ACVR2A: variants seen among roughly 807,000 people sequenced by gnomAD.
ACVR2A encodes activin receptor type-2A.
ACVR2A carries 7 observed loss-of-function variants against 61.4 expected under a neutral mutation model. That is an observed-to-expected ratio of 0.11 (90% confidence interval 0.06 to 0.21). The LOEUF (loss-of-function observed/expected upper bound fraction) is 0.21. ACVR2A is among the 10% of genes least tolerant of loss of function. The pLI is 1.00. For synonymous variants in ACVR2A, 193 were observed against 208.3 expected, an observed-to-expected ratio of 0.93 and a Z score of 0.63; for missense variants, 322 against 621.7, an observed-to-expected ratio of 0.52 and a Z score of 5.13.
chr2:147,872,041 A>G (rs553646927), intron 1 of ACVR2A, among the ~76,000 whole-genome samples: 1 of 152,070 alleles, frequency 6.6e-6, no homozygotes, highest in East Asian at 1.9e-4. Flanking sequence ...ATAGTGACAA[A>G]CCTGATCACG....
intron 1 of ACVR2A, among the ~76,000 whole-genome samples, chr2:147,870,395 A>G (rs1685982155): frequency 6.6e-6 from 1 of 152,162 alleles, no homozygotes; most frequent in Non-Finnish European, 1.5e-5. Context: ...CTTTGGGTGA[A>G]GTATACCTTG....
At chr2:147,856,963 A>C (rs1685595201) in intron 1 of ACVR2A, among the ~76,000 whole-genome samples, 1 of 152,200 alleles carries the variant, frequency 6.6e-6, no homozygotes, top group African/African-American at 2.4e-5. Flanking sequence ...GAGATTGCTT[A>C]TTAGCTGAGA....
chr2:147,847,223 C>T (rs1685333856), intron 1 of ACVR2A, among the ~76,000 whole-genome samples: 1 of 151,942 alleles, frequency 6.6e-6, no homozygotes, highest in South Asian at 2.1e-4. Flanking sequence ...TGAACATTCC[C>T]AGTTGAACTA....
intron 1 of ACVR2A, among the ~76,000 whole-genome samples, chr2:147,891,705 C>A (rs901138663): frequency 2.6e-5 from 4 of 152,068 alleles, no homozygotes; most frequent in African/African-American, 9.7e-5. Flanking sequence ...TGCTTTTATG[C>A]TACAAGGGCA....
At chr2:147,862,959 T>A (rs1316129825) in intron 1 of ACVR2A, among the ~76,000 whole-genome samples, 1 of 152,134 alleles carries the variant, frequency 6.6e-6, no homozygotes, top group African/African-American at 2.4e-5. Context: ...TATAGCATGC[T>A]CCCTGCTAAG....
chr2:147,873,292 T>C (rs566093358), intron 1 of ACVR2A, among the ~76,000 whole-genome samples: 18 of 152,120 alleles, frequency 1.2e-4, no homozygotes, highest in Middle Eastern at 3.4e-3. Flanking sequence ...AGTAGCCACA[T>C]TAAATGTTTT....
At chr2:147,904,912 C>G (rs1208647862) in intron 4 of ACVR2A, among the ~76,000 whole-genome samples, 5 of 151,946 alleles carry the variant, frequency 3.3e-5, no homozygotes, top group Admixed American at 2.6e-4. Context: ...GTTATACTTA[C>G]AAAATATTAC....
rs750494074 is a variant in ACVR2A at position 147,927,222 on chromosome 2, T to C, written c.1490T>C (p.Val497Ala). The C allele has an allele frequency of 2.5e-6, 4 of 1,611,986 alleles. No homozygotes were observed. The South Asian group carries it at 4.4e-5, about 18-fold the overall frequency. ...NIITTEDIVT[V>A]VTMVTNVDFP... is the part of the protein sequence containing the mutation. ...ATTACCACAGAGGACATTGTAACAG[T>C]GGTCACAATGGTGACAAATGTTGAC... The change falls in exon 11 of 11, where the codon GTG becomes GCG. Residue 497 changes from valine to alanine, a missense_variant. Physicochemically the swap from Val to Ala is moderately conservative, Grantham distance 64. Transcript: ENST00000241416.
chr2:147,858,263 T>G (rs1685637298), intron 1 of ACVR2A, among the ~76,000 whole-genome samples: 1 of 152,178 alleles, frequency 6.6e-6, no homozygotes, highest in South Asian at 2.1e-4. Context: ...TACAGTTATT[T>G]TTTTCAAGGA....
intron 1 of ACVR2A, among the ~76,000 whole-genome samples, chr2:147,846,541 C>G (rs1018749494): frequency 6.6e-6 from 1 of 151,902 alleles, no homozygotes; most frequent in Non-Finnish European, 1.5e-5. Context: ...TTGATCAGTT[C>G]CGGGTGGGCT....
intron 1 of ACVR2A, among the ~76,000 whole-genome samples, chr2:147,852,954 C>G (rs1189589528): frequency 6.6e-6 from 1 of 151,904 alleles, no homozygotes; most frequent in African/African-American, 2.4e-5. Context: ...GGGGGTTAAC[C>G]CTTAAATTCA....
At chr2:147,890,102 A>G (rs776829751) in intron 1 of ACVR2A, among the ~76,000 whole-genome samples, 29 of 152,160 alleles carry the variant, frequency 1.9e-4, no homozygotes, top group African/African-American at 5.1e-4. Flanking sequence ...GGCCAACTCT[A>G]TTAAGCCAGT....
intron 1 of ACVR2A, chr2:147,877,475 G>A (rs1686188583): frequency 6.6e-6 from 1 of 152,116 alleles, no homozygotes; most frequent in Non-Finnish European, 1.5e-5. Flanking sequence ...GAAAACATTA[G>A]CATGGCCCCT....
chr2:147,915,168 GTATTAT>G lies in ACVR2A; in HGVS notation c.529-15_529-10del. On this transcript the variant is annotated splice_polypyrimidine_tract_variant and intron_variant, in intron 4 of 10. Transcript: ENST00000241416. ...GTGTGTCATGTTCTGCTTATTTATA[GTATTAT>G]TATTATTTATCTGTAGGACCCAGGA... 1 of 1,606,424 alleles carries G rather than the reference GTATTAT, an allele frequency of 6.2e-7. No homozygotes were observed. The highest frequency in any genetic ancestry group is 1.1e-5 in the South Asian group (1 of 90,748).
At chr2:147,874,400 A>G (rs2105161682) in intron 1 of ACVR2A, among the ~76,000 whole-genome samples, 1 of 152,030 alleles carries the variant, frequency 6.6e-6, no homozygotes, top group South Asian at 2.1e-4. Flanking sequence ...CAGAGGGGAA[A>G]AAAAGAGTTA....
chr2:147,922,851 C>A, intron 8 of ACVR2A, 122 bp from the exon 9 acceptor site: 1 of 911,720 alleles, frequency 1.1e-6, no homozygotes, highest in Non-Finnish European at 1.7e-6. Context: ...TATTTATACG[C>A]TATAGTGTGT....
intron 4 of ACVR2A, among the ~76,000 whole-genome samples, chr2:147,901,510 A>G (rs1686871176): frequency 6.6e-6 from 1 of 152,038 alleles, no homozygotes; most frequent in Non-Finnish European, 1.5e-5. Context: ...ACTTTTAAAA[A>G]GGATTGATGT....
intron 4 of ACVR2A, among the ~76,000 whole-genome samples, chr2:147,905,528 T>C: frequency 6.6e-6 from 1 of 151,976 alleles, no homozygotes; most frequent in East Asian, 1.9e-4. Context: ...TATGACATAA[T>C]GCTGTTGTCT....
chr2:147,862,472 A>G (rs986819531), intron 1 of ACVR2A, among the ~76,000 whole-genome samples: 7 of 152,154 alleles, frequency 4.6e-5, no homozygotes, highest in African/African-American at 7.2e-5. Flanking sequence ...GCAGGGCACC[A>G]TGGCTTCATG....
Sources: gnomAD v4.1 joint callset for allele counts (sites outside exome capture counted in the v4.1 genomes callset) on GRCh38, gnomAD v4.1.1 for gene constraint, MANE v1.5 for transcripts, NCBI Gene and HGNC (gene_info 2026-07-23, HGNC 2026-07-21) for gene names.